The following GRK5 variants were observed in gnomAD, a reference collection of about 807,000 sequenced individuals.
GRK5 encodes g protein-coupled receptor kinase GRK5.
GRK5 carries 40 observed loss-of-function variants against 78.4 expected under a neutral mutation model. That is an observed-to-expected ratio of 0.51 (90% CI 0.40 to 0.66). The LOEUF (loss-of-function observed/expected upper bound fraction) is 0.66. Among genes scored for constraint, GRK5 ranks in the 30% least tolerant of loss-of-function variants. The pLI, the probability that GRK5 is intolerant of heterozygous loss-of-function variation, is 0.00. For synonymous variants in GRK5, 289 were observed against 296.8 expected (o/e 0.97, Z 0.27); for missense variants, 598 against 759.9 (o/e 0.79, Z 2.50).
chr10:119,270,849 A>G (rs908689257), intron 1 of GRK5, among the ~76,000 whole-genome samples: 4 of 152,238 alleles, frequency 2.6e-5, no homozygotes, highest in Non-Finnish European at 4.4e-5. Flanking sequence ...ACGTTAGTGC[A>G]AAGGAAAAAA....
chr10:119,305,435 A>G (rs1564884292), intron 1 of GRK5, among the ~76,000 whole-genome samples: 1 of 152,234 alleles, frequency 6.6e-6, no homozygotes, highest in Non-Finnish European at 1.5e-5. Flanking sequence ...CTAGGCACTG[A>G]TGAGCAAAAT....
chr10:119,346,053 C>T (rs748900448), intron 2 of GRK5, among the ~76,000 whole-genome samples: 11 of 152,016 alleles, frequency 7.2e-5, no homozygotes, highest in Non-Finnish European at 1.5e-4. Flanking sequence ...CCAAGGAACC[C>T]TTGCCATGGG....
chr10:119,392,747 C>T (rs965972580), intron 3 of GRK5, among the ~76,000 whole-genome samples: 5 of 152,058 alleles, frequency 3.3e-5, no homozygotes, highest in Non-Finnish European at 2.9e-5. Flanking sequence ...GCCTGTGTTT[C>T]GGGGAGGGGA....
At chr10:119,325,937 C>T (rs539118443) in intron 1 of GRK5, among the ~76,000 whole-genome samples, 23 of 152,330 alleles carry the variant, frequency 1.5e-4, no homozygotes, top group Middle Eastern at 3.4e-3. Context: ...TGAGGCAGGG[C>T]GGGCCCCTCA....
At chr10:119,220,576 T>C (rs1407535480) in intron 1 of GRK5, among the ~76,000 whole-genome samples, 1 of 152,204 alleles carries the variant, frequency 6.6e-6, no homozygotes, top group East Asian at 1.9e-4. Flanking sequence ...GGCTCATGCC[T>C]GTAATCCCAG....
intron 2 of GRK5, among the ~76,000 whole-genome samples, chr10:119,355,482 C>T (rs1851250096): frequency 6.6e-6 from 1 of 152,148 alleles, no homozygotes; most frequent in African/African-American, 2.4e-5. Flanking sequence ...GTATAACCCA[C>T]ATAAATAAAA....
intron 2 of GRK5, among the ~76,000 whole-genome samples, chr10:119,335,690 G>A (rs2133776537): frequency 6.6e-6 from 1 of 152,332 alleles, no homozygotes; most frequent in South Asian, 2.1e-4. Flanking sequence ...CCAGACACTG[G>A]CTAACAGATA....
At chr10:119,394,169 A>AGT (rs1171204213) in intron 3 of GRK5, among the ~76,000 whole-genome samples, 5 of 18,440 alleles carry the variant, frequency 2.7e-4, no homozygotes, top group African/African-American at 4.4e-4. Context: ...TGTGGGTTTG[A>AGT]GTGTGTGTGT....
chr10:119,232,349 A>G (rs914688542), intron 1 of GRK5, among the ~76,000 whole-genome samples: 2 of 152,242 alleles, frequency 1.3e-5, no homozygotes, highest in African/African-American at 4.8e-5. Context: ...AAGGGGATAG[A>G]GAAAGGTTTG....
At chr10:119,450,110 C>T (rs1429104881) in intron 13 of GRK5, among the ~76,000 whole-genome samples, 3 of 152,196 alleles carry the variant, frequency 2.0e-5, no homozygotes, top group Admixed American at 1.3e-4. Flanking sequence ...GGAGTGGCCA[C>T]TCCTTGGTGT....
chr10:119,335,129 C>CTCTCT, intron 2 of GRK5: 1 of 9,868 alleles, frequency 1.0e-4, no homozygotes, highest in East Asian at 2.9e-3. Flanking sequence ...GCCTGCCTTG[C>CTCTCT]CTCTCTCTCT....
intron 2 of GRK5, among the ~76,000 whole-genome samples, chr10:119,338,753 C>T (rs970204164): frequency 2.0e-5 from 3 of 152,186 alleles, no homozygotes; most frequent in Admixed American, 6.5e-5. Flanking sequence ...TGGCTTACTT[C>T]CTGTTGGTGA....
In GRK5 at chr10:119,431,510, G is replaced by C. The variant is rs202120111; in HGVS notation, c.721G>C (p.Val241Leu). ...ALNEKQILEK[V>L]NSQFVVNLAY... The stretch of plus-strand genomic sequence containing the variant: ...CAATGAGAAGCAGATCCTCGAGAAG[G>C]TCAACAGTCAGTTTGTGGTGAGTGA... The change falls in exon 8 of 16, where the codon GTC becomes CTC. Residue 241 changes from valine (V) to leucine (L), a missense_variant. Val to Leu is a conservative substitution (Grantham distance 32). Coordinates refer to ENST00000392870, the MANE Select transcript of GRK5 (RefSeq NM_005308.3). This position sits in a 1 kb window ranked among gnomAD's most constrained non-coding sequence, Gnocchi z 4.8. 51 of 1,613,708 alleles carry C rather than the reference G, an allele frequency of 3.2e-5. No individual in the cohort carries two copies. Among genetic ancestry groups the C allele is most frequent in the Non-Finnish European group, 4.2e-5 (49 of 1,179,796 alleles).
intron 1 of GRK5, among the ~76,000 whole-genome samples, chr10:119,311,672 G>C (rs1029102801): frequency 6.6e-6 from 1 of 151,938 alleles, no homozygotes; most frequent in Non-Finnish European, 1.5e-5. Context: ...TGTAGTCCCA[G>C]CTACTCAGGA....
At chr10:119,314,207 CCTGA>C (rs1240919549) in intron 1 of GRK5, among the ~76,000 whole-genome samples, 1 of 152,232 alleles carries the variant, frequency 6.6e-6, no homozygotes, top group Admixed American at 6.5e-5. Flanking sequence ...ATAGCAAGCC[CCTGA>C]CTGAGCGGCA....
chr10:119,338,280 T>C (rs997555923), intron 2 of GRK5, among the ~76,000 whole-genome samples: 1 of 152,180 alleles, frequency 6.6e-6, no homozygotes, highest in South Asian at 2.1e-4. Context: ...GGAGCAATTG[T>C]TTTCCAGGCC....
At chr10:119,360,200 G>A (rs1425640750) in intron 2 of GRK5, among the ~76,000 whole-genome samples, 4 of 152,180 alleles carry the variant, frequency 2.6e-5, no homozygotes, top group Admixed American at 2.6e-4. Context: ...GAAGGACTCT[G>A]CTCTTTGGGT....
intron 2 of GRK5, among the ~76,000 whole-genome samples, chr10:119,340,927 T>G (rs1446442408): frequency 6.6e-6 from 1 of 152,194 alleles, no homozygotes; most frequent in East Asian, 1.9e-4. Flanking sequence ...AGAGTAGTTT[T>G]CCTGTCTTCT....
intron 4 of GRK5, among the ~76,000 whole-genome samples, chr10:119,400,910 G>C (rs1490629795): frequency 6.6e-6 from 1 of 152,196 alleles, no homozygotes; most frequent in Non-Finnish European, 1.5e-5. Flanking sequence ...CTGGGTGTAT[G>C]GGGGTGTCCC....
Sources: gnomAD v4.1 joint callset for allele counts (sites outside exome capture counted in the v4.1 genomes callset) on GRCh38, gnomAD v4.1.1 for gene constraint, Gnocchi (gnomAD v3.1) non-coding constraint, MANE v1.5 for transcripts, NCBI Gene and HGNC (gene_info 2026-07-23, HGNC 2026-07-21) for gene names.